The following WNT8A variants were observed in gnomAD, a reference collection of about 807,000 sequenced individuals.
WNT8A encodes the protein protein Wnt-8a.
WNT8A carries 14 observed loss-of-function variants against 20.5 expected under a neutral mutation model. The observed-to-expected ratio is 0.68, with a 90% CI of 0.45 to 1.07. WNT8A has a LOEUF of 1.07. Ranked by LOEUF, WNT8A falls within the 50% of genes least tolerant of loss-of-function variation. The pLI is 0.00. For missense variants in WNT8A, 397 were observed against 462.9 expected, an observed-to-expected ratio of 0.86 and a Z score of 1.31; for synonymous variants, 167 against 169.2, an observed-to-expected ratio of 0.99 and a Z score of 0.10.
At chr5:138,089,372 T>C (rs1332361261) in intron 4 of WNT8A, among the ~76,000 whole-genome samples, 1 of 152,162 alleles carries the variant, frequency 6.6e-6, no homozygotes, top group Non-Finnish European at 1.5e-5. Context: ...AGGCCTTGCT[T>C]CTATGACTTA....
intron 1 of WNT8A, 35 bp from the exon 2 acceptor site, chr5:138,084,463 C>T (rs749373204): frequency 9.5e-6 from 15 of 1,573,164 alleles, no homozygotes; most frequent in South Asian, 2.4e-5. Context: ...TGACCCATAC[C>T]GGGCAGAAGC....
At chr5:138,086,353 G>A (rs1428067503) in intron 2 of WNT8A, among the ~76,000 whole-genome samples, 1 of 151,988 alleles carries the variant, frequency 6.6e-6, no homozygotes, top group East Asian at 1.9e-4. Context: ...GAGTAGCTGG[G>A]ACTATAGGCA....
rs757109279 is a variant in WNT8A at position 138,087,825 on chromosome 5, C to T, written c.315C>T (p.Phe105=). 1 of 1,614,022 alleles carries T rather than the reference C, an allele frequency of 6.2e-7. No homozygotes were observed. The highest frequency in any genetic ancestry group is 1.1e-5 in the South Asian group (1 of 91,068). ...RLRSATRETS[F]IHAISSAGVM... ...CCAAAGCTACCAGAGAGACTTCCTT[C>T]ATACATGCTATCAGCTCTGCTGGAG... is the stretch of plus-strand genomic sequence containing the variant. Residue 105 remains phenylalanine (F), a synonymous_variant, in exon 3 of 5, where the codon TTC becomes TTT. Transcript: ENST00000506684.
chr5:138,082,771 G>A (rs370441926), upstream of WNT8A, among the ~76,000 whole-genome samples: 18 of 151,828 alleles, frequency 1.2e-4, no homozygotes, highest in African/African-American at 2.9e-4. Context: ...CAGCTACTCC[G>A]GAGGCTGAGG....
rs1202146398 is a variant in WNT8A, at chr5:138,088,999, TG to T, written c.496del (p.Asp166ThrfsTer12). 6.2e-7 allele frequency: 1 copy of T among 1,613,982 alleles called. No homozygotes were observed. The highest frequency in any genetic ancestry group is 1.7e-5 in the Admixed American group (1 of 60,020). ...EFGERISKLF[V>X]DSLEKGKDAR... The stretch of plus-strand genomic sequence containing the variant: ...GGGGAAAGGATCTCCAAACTCTTTG[TG>T]GACAGTTTGGAGAAGGGGAAGGATG... On this transcript the variant is annotated frameshift_variant, in exon 4 of 5. Transcript: ENST00000506684. LOFTEE classifies it high-confidence loss of function.
rs754979614 is a variant in WNT8A at position 138,091,000 on chromosome 5, G to A, written c.1037G>A (p.Arg346Lys). 1 of 1,614,164 alleles carries A rather than the reference G, an allele frequency of 6.2e-7. No individual in the cohort carries two copies. Among genetic ancestry groups the A allele is most frequent in the Non-Finnish European group, 8.5e-7 (1 of 1,180,034 alleles). ...TGTACGGTCAAGTGTGACCAGTGTAGGCATGTGGTGAGCAAGTATTACTGC... is the reference window on the plus strand; with the variant it reads ...TGTACGGTCAAGTGTGACCAGTGTAAGCATGTGGTGAGCAAGTATTACTGC... Reference protein sequence around the residue: ...WCCTVKCDQCRHVVSKYYCAR... With the variant: ...WCCTVKCDQCKHVVSKYYCAR... The change falls in exon 5 of 5, where the codon AGG becomes AAG. Residue 346 changes from arginine (R) to lysine (K), a missense_variant. Physicochemically the swap from Arg to Lys is conservative, Grantham distance 26 (BLOSUM62 2). Transcript: ENST00000506684.
intron 4 of WNT8A, among the ~76,000 whole-genome samples, chr5:138,089,557 C>T (rs541266001): frequency 1.3e-5 from 2 of 152,244 alleles, no homozygotes; most frequent in South Asian, 4.1e-4. Context: ...GTATTCTGAA[C>T]ACAAATCTGG....
At chr5:138,079,546 A>G (rs940922541), upstream of WNT8A, among the ~76,000 whole-genome samples, 1 of 152,114 alleles carries the variant, frequency 6.6e-6, no homozygotes. Flanking sequence ...GCAATTCACT[A>G]TGCTCTAGTA....
chr5:138,086,622 G>T (rs1750670767), intron 2 of WNT8A, among the ~76,000 whole-genome samples: 1 of 152,088 alleles, frequency 6.6e-6, no homozygotes. Context: ...AAGAGCATTG[G>T]CTGGATGCAG....
chr5:138,089,192 C>A, intron 4 of WNT8A, 123 bp downstream of exon 4: 1 of 1,379,948 alleles, frequency 7.2e-7, no homozygotes, highest in South Asian at 1.5e-5. Context: ...AGATGGCTAC[C>A]CGCATTCTCT....
Position 138,087,949 on chromosome 5 carries a change from A to T in WNT8A, c.421+18A>T. On this transcript the variant is annotated intron_variant, in intron 3 of 4. Coordinates refer to ENST00000506684, the MANE Select transcript of WNT8A (RefSeq NM_001300939.2). ...AAAAACAGGTAAGTTGAGCTTTCTA[A>T]TGGGGGTGGGAAGAGGTGAGGGGCT... 6.2e-7 allele frequency: 1 copy of T among 1,612,280 alleles called. No homozygotes were observed. The highest frequency in any genetic ancestry group is 8.5e-7 in the Non-Finnish European group (1 of 1,178,920).
rs753515413 is a variant in WNT8A, at chr5:138,091,470, CA to C, written c.*403del. 6.7e-6 allele frequency: 9 copies of C among 1,351,040 alleles called. No homozygotes were observed. In the East Asian group the frequency reaches 4.1e-4, roughly 61 times the overall value. The allele number at this position is 1,351,040 out of a possible 1,614,324, so 83.7% of individuals were successfully genotyped here. ...CTGCTGGGAATCAGGAGAATAGAAG[CA>C]AAAAACGAAAGAGTTCTGTTCAGAC... On this transcript the variant is annotated 3_prime_UTR_variant, in exon 5 of 5. Transcript: ENST00000506684.
intron 2 of WNT8A, 55 bp from the exon 3 acceptor site, chr5:138,087,751 T>C: frequency 6.3e-7 from 1 of 1,580,200 alleles, no homozygotes. Context: ...CCAAAGCCTC[T>C]GCTTTGGGTA....
At chr5:138,081,333 AAG>A (rs1240849750), upstream of WNT8A, among the ~76,000 whole-genome samples, 1 of 152,148 alleles carries the variant, frequency 6.6e-6, no homozygotes, top group African/African-American at 2.4e-5. Context: ...CTAGAAAAAA[AAG>A]AGTATTTTTT....
chr5:138,083,417 A>G (rs548421642), upstream of WNT8A, among the ~76,000 whole-genome samples: 4 of 152,288 alleles, frequency 2.6e-5, no homozygotes, highest in East Asian at 7.7e-4. Context: ...TAGATTTGCT[A>G]GGAATTAAGG....
At chr5:138,081,350 G>A (rs1750507710), upstream of WNT8A, among the ~76,000 whole-genome samples, 1 of 151,742 alleles carries the variant, frequency 6.6e-6, no homozygotes, top group Non-Finnish European at 1.5e-5. Flanking sequence ...TTTTTTTGTA[G>A]AGTACCAATT....
upstream of WNT8A, among the ~76,000 whole-genome samples, chr5:138,082,575 C>T (rs994233176): frequency 3.3e-5 from 5 of 150,088 alleles, no homozygotes; most frequent in African/African-American, 1.2e-4. Flanking sequence ...TGAAACTCTG[C>T]CTCAAAAAAT....
chr5:138,087,712 G>A (rs1388032365), intron 2 of WNT8A, 94 bp from the exon 3 acceptor site: 6 of 1,340,950 alleles, frequency 4.5e-6, no homozygotes, highest in Admixed American at 2.1e-5. Context: ...AGGAAGTGGG[G>A]GATAAGGGAG....
upstream of WNT8A, among the ~76,000 whole-genome samples, chr5:138,082,746 G>A (rs931554669): frequency 5.3e-5 from 8 of 150,536 alleles, no homozygotes; most frequent in Non-Finnish European, 1.0e-4. Flanking sequence ...GCATGGTGGC[G>A]CACACCTGTA....
Sources: gnomAD v4.1 joint callset for allele counts (sites outside exome capture counted in the v4.1 genomes callset) on GRCh38, gnomAD v4.1.1 for gene constraint, MANE v1.5 for transcripts, NCBI Gene and HGNC (gene_info 2026-07-23, HGNC 2026-07-21) for gene names.